CLIC5: variants seen among roughly 807,000 people sequenced by gnomAD.
CLIC5 encodes the protein chloride intracellular channel protein 5.
CLIC5 carries 20 observed loss-of-function variants against 24.7 expected under a neutral mutation model. The ratio of observed to expected loss-of-function variants is 0.81; its 90% CI spans 0.57 to 1.18. The LOEUF (loss-of-function observed/expected upper bound fraction) is 1.18, where lower values mean the gene tolerates loss of function less well. Among genes scored for constraint, CLIC5 ranks in the 50% most tolerant of loss-of-function variants. The pLI is 0.00. For synonymous variants in CLIC5, 159 were observed against 135.6 expected (o/e 1.17, Z -1.20); for missense variants, 341 against 326.1 (o/e 1.05, Z -0.35).
At chr6:45,884,498 T>A (rs894713367) in intron 6 of CLIC5, among the ~76,000 whole-genome samples, 1 of 152,176 alleles carries the variant, frequency 6.6e-6, no homozygotes, top group Middle Eastern at 3.2e-3. Context: ...AAGACAATTC[T>A]CCTGGGCAGC....
At chr6:45,913,699 A>G in intron 5 of CLIC5, 4 of 936,844 alleles carry the variant, frequency 4.3e-6, no homozygotes, top group Middle Eastern at 3.7e-4. Context: ...AGTAAGTGCA[A>G]TGATAGCAAG....
At chr6:45,891,808 G>T (rs1459342663) in intron 6 of CLIC5, among the ~76,000 whole-genome samples, 1 of 152,004 alleles carries the variant, frequency 6.6e-6, no homozygotes, top group Admixed American at 6.6e-5. Flanking sequence ...CTTTTGAATT[G>T]CATGACTTTT....
intron 1 of CLIC5, among the ~76,000 whole-genome samples, chr6:46,061,841 T>C (rs1762292194): frequency 6.6e-6 from 1 of 152,220 alleles, no homozygotes; most frequent in African/African-American, 2.4e-5. Flanking sequence ...TGAAAACTCA[T>C]CTGTCTCACT....
chr6:46,015,860 C>T lies in CLIC5; in HGVS notation c.-318G>A, dbSNP rs1447788997. The T allele has an allele frequency of 8.2e-5, 89 of 1,087,998 alleles. No individual in the cohort carries two copies. The highest frequency in any genetic ancestry group is 9.7e-5 in the Non-Finnish European group (87 of 896,062). 67.4% of individuals were successfully genotyped at this position (1,087,998 alleles called of 1,614,324 possible). A position where few individuals can be genotyped will look rare whatever the true frequency, so the allele number is the denominator to read the frequency against. On this transcript the variant is annotated 5_prime_UTR_variant, in exon 1 of 6. Transcript: ENST00000339561. ...GTGTCACAGGATCCGCGACTGTCAG[C>T]GATCCCGCCGCCGCCAACGCGCCCA...
At chr6:46,021,039 G>A (rs1767163599) in intron 1 of CLIC5, among the ~76,000 whole-genome samples, 2 of 143,398 alleles carry the variant, frequency 1.4e-5, no homozygotes, top group Non-Finnish European at 1.5e-5. Flanking sequence ...ATGAGAAGAG[G>A]AGGAAGTGAA....
intron 1 of CLIC5, among the ~76,000 whole-genome samples, chr6:45,984,328 A>C (rs6935034): frequency 1.3e-5 from 2 of 152,170 alleles, no homozygotes; most frequent in Non-Finnish European, 2.9e-5. Context: ...CCGCAATGCC[A>C]GTACTGTCAC....
At chr6:46,115,759 A>C in the CLIC5 span, among the ~76,000 whole-genome samples, 3 of 152,242 alleles carry the variant, frequency 2.0e-5, no homozygotes, top group Non-Finnish European at 2.9e-5. Flanking sequence ...ATCTGCAGGA[A>C]AGATATTTAC....
intron 4 of CLIC5, among the ~76,000 whole-genome samples, chr6:45,935,042 T>C (rs920363364): frequency 6.6e-6 from 1 of 152,236 alleles, no homozygotes; most frequent in African/African-American, 2.4e-5. Flanking sequence ...TATAGCACTT[T>C]CTGCCTAGAT....
chr6:45,981,648 G>A (rs1018969490), intron 1 of CLIC5, among the ~76,000 whole-genome samples: 6 of 152,152 alleles, frequency 3.9e-5, no homozygotes, highest in African/African-American at 7.2e-5. Flanking sequence ...TCATATTGCT[G>A]TTCAGTTTTG....
At chr6:45,999,074 A>C (rs980173699) in intron 1 of CLIC5, among the ~76,000 whole-genome samples, 1 of 152,192 alleles carries the variant, frequency 6.6e-6, no homozygotes, top group African/African-American at 2.4e-5. Context: ...AAACTCCCTG[A>C]GAGCAGAGTC....
chr6:45,974,248 C>T (rs1208817043), intron 1 of CLIC5, among the ~76,000 whole-genome samples: 1 of 151,792 alleles, frequency 6.6e-6, no homozygotes, highest in African/African-American at 2.4e-5. Context: ...GGGGGCTGCT[C>T]ATCTCTGGGC....
chr6:46,060,437 TG>T (rs897407890), intron 1 of CLIC5, among the ~76,000 whole-genome samples: 2 of 151,364 alleles, frequency 1.3e-5, no homozygotes, highest in Admixed American at 1.3e-4. Flanking sequence ...GGGGTGGGAG[TG>T]GGGGTGCTAA....
chr6:46,129,117 T>TA, the CLIC5 span, among the ~76,000 whole-genome samples: 1 of 152,342 alleles, frequency 6.6e-6, no homozygotes, highest in African/African-American at 2.4e-5. Context: ...GAGCTGGAGA[T>TA]ACAGTAGTGA....
Position 46,015,711 on chromosome 6 carries a change from A to C in CLIC5, c.-169T>G. ...CAGCCCGAGCAGCGGGGTCTGAGAG[A>C]TCAGTGTCCCAGATGCTCACATGAA... On this transcript the variant is annotated 5_prime_UTR_variant, in exon 1 of 6. Coordinates refer to ENST00000339561, the MANE Select transcript of CLIC5 (RefSeq NM_016929.5). The C allele has an allele frequency of 9.4e-6, 12 of 1,271,870 alleles. No individual in the cohort carries two copies. Among genetic ancestry groups the C allele is most frequent in the Non-Finnish European group, 1.2e-5 (12 of 1,006,932 alleles). 78.8% of individuals were successfully genotyped at this position (1,271,870 alleles called of 1,614,324 possible).
At chr6:45,936,861 G>C (rs1315992681) in intron 4 of CLIC5, among the ~76,000 whole-genome samples, 1 of 152,116 alleles carries the variant, frequency 6.6e-6, no homozygotes, top group African/African-American at 2.4e-5. Context: ...GACTTAATGT[G>C]GGATCTTGCC....
At chr6:45,988,701 G>A (rs762268578) in intron 1 of CLIC5, among the ~76,000 whole-genome samples, 5 of 152,222 alleles carry the variant, frequency 3.3e-5, no homozygotes, top group Non-Finnish European at 5.9e-5. Flanking sequence ...AAATTAGAAA[G>A]AGTATGAAAT....
chr6:45,965,907 A>T (rs1191774157), intron 1 of CLIC5, among the ~76,000 whole-genome samples: 1 of 152,154 alleles, frequency 6.6e-6, no homozygotes, highest in East Asian at 1.9e-4. Context: ...TCCTCATACC[A>T]AACAAGGATA....
At chr6:46,089,215 T>C in the CLIC5 span, among the ~76,000 whole-genome samples, 1 of 152,122 alleles carries the variant, frequency 6.6e-6, no homozygotes, top group Admixed American at 6.6e-5. Flanking sequence ...ACAGAAGTCA[T>C]GAAGATGAAG....
intron 4 of CLIC5, among the ~76,000 whole-genome samples, chr6:45,929,003 C>T (rs578193196): frequency 1.8e-4 from 28 of 152,240 alleles, no homozygotes; most frequent in African/African-American, 6.5e-4. Context: ...GGTCAGACAG[C>T]GGGAAATTCC....
Sources: gnomAD v4.1 joint callset for allele counts (sites outside exome capture counted in the v4.1 genomes callset) on GRCh38, gnomAD v4.1.1 for gene constraint, MANE v1.5 for transcripts, NCBI Gene and HGNC (gene_info 2026-07-23, HGNC 2026-07-21) for gene names.